CNTNAP2: variants seen among roughly 807,000 people sequenced by gnomAD.
The protein encoded by CNTNAP2 is contactin associated protein 2.
In CNTNAP2, 98 loss-of-function variants were observed where a neutral mutation model predicts 155.2. That is an observed-to-expected ratio of 0.63 (90% CI 0.54 to 0.75). The LOEUF is 0.75. Among genes scored for constraint, CNTNAP2 ranks in the 30% least tolerant of loss-of-function variants. The probability of loss-of-function intolerance (pLI) is 0.00; values close to 1 mark genes in which losing one functional copy is unlikely to be tolerated. For synonymous variants in CNTNAP2, 651 were observed against 631.2 expected (o/e 1.03, Z -0.47); for missense variants, 1,727 against 1,688.1 (o/e 1.02, Z -0.40).
chr7:146,595,620 T>C (rs1479352581), intron 1 of CNTNAP2, among the ~76,000 whole-genome samples: 1 of 151,998 alleles, frequency 6.6e-6, no homozygotes, highest in Non-Finnish European at 1.5e-5. Flanking sequence ...AGCTGCAAAA[T>C]TGCCTATATT....
rs1802428599 is a variant in CNTNAP2, at chr7:147,180,306, CAA to C, written c.1348+47802_1348+47803del. 2.6e-5 allele frequency among the ~76,000 whole-genome samples: 4 copies of C among 152,122 alleles called. No homozygotes were observed. The South Asian group carries it at 8.3e-4, about 32-fold the overall frequency. On this transcript the variant is annotated intron_variant, in intron 8 of 23. Coordinates refer to ENST00000361727, the MANE Select transcript of CNTNAP2 (RefSeq NM_014141.6). ...TCCAACCCTTTTTGGAGTGACTAAT[CAA>C]AAAAGCACATGACAGTATGCATATT...
chr7:147,348,092 A>G (rs1795907913), intron 9 of CNTNAP2, among the ~76,000 whole-genome samples: 2 of 152,136 alleles, frequency 1.3e-5, no homozygotes, highest in African/African-American at 4.8e-5. Context: ...CATAGCGGAA[A>G]TGCTTCAGGA....
intron 14 of CNTNAP2, among the ~76,000 whole-genome samples, chr7:147,975,387 T>G (rs12536279): frequency 0.12 from 17,628 of 151,230 alleles, 1,501 homozygotes; most frequent in African/African-American, 0.24. Flanking sequence ...TGTACAGGGG[T>G]GTGTGTGTGT....
intron 3 of CNTNAP2, among the ~76,000 whole-genome samples, chr7:146,888,975 T>C (rs1258014172): frequency 6.6e-6 from 1 of 152,054 alleles, no homozygotes; most frequent in Non-Finnish European, 1.5e-5. Context: ...ATTTCCTAAG[T>C]AGATAGTTCT....
At chr7:147,696,769 G>A (rs902996505) in intron 13 of CNTNAP2, among the ~76,000 whole-genome samples, 1 of 151,910 alleles carries the variant, frequency 6.6e-6, no homozygotes, top group African/African-American at 2.4e-5. Flanking sequence ...TAGTTTTGCA[G>A]AGTGCAGAAT....
chr7:147,886,475 C>CAAAAA (rs532837902), intron 13 of CNTNAP2, among the ~76,000 whole-genome samples: 3 of 39,732 alleles, frequency 7.6e-5, no homozygotes, highest in South Asian at 1.7e-3. Flanking sequence ...AACTCCATCT[C>CAAAAA]AAAAAAAAAA....
chr7:147,863,667 T>G (rs1471428399), intron 13 of CNTNAP2, among the ~76,000 whole-genome samples: 3 of 152,204 alleles, frequency 2.0e-5, no homozygotes, highest in Admixed American at 6.5e-5. Flanking sequence ...GATTTGCATT[T>G]CTCTGATGGT....
intron 1 of CNTNAP2, among the ~76,000 whole-genome samples, chr7:146,564,267 T>C (rs552766872): frequency 6.6e-6 from 1 of 152,260 alleles, no homozygotes; most frequent in East Asian, 1.9e-4. Context: ...CATTGCTTAG[T>C]GCATAAGAGT....
At chr7:147,850,531 G>T (rs1054415360) in intron 13 of CNTNAP2, among the ~76,000 whole-genome samples, 1 of 152,140 alleles carries the variant, frequency 6.6e-6, no homozygotes, top group Admixed American at 6.6e-5. Context: ...ACACTACAAG[G>T]CTACAGTAAC....
At chr7:148,218,357 T>C (rs1051812988) in intron 19 of CNTNAP2, among the ~76,000 whole-genome samples, 1 of 152,158 alleles carries the variant, frequency 6.6e-6, no homozygotes, top group East Asian at 1.9e-4. Flanking sequence ...ATTCACAAAG[T>C]GTATCCCTGT....
Position 147,833,927 on chromosome 7 carries a change from A to G in CNTNAP2, c.2099-69638A>G, listed in dbSNP as rs114354821. ...CTGGGGAGCGAGGGACTATGATGGCAACGCAGGTGAACAAGAGGGAGGGGA... is the reference window on the plus strand; with the variant it reads ...CTGGGGAGCGAGGGACTATGATGGCGACGCAGGTGAACAAGAGGGAGGGGA... On this transcript the variant is annotated intron_variant, in intron 13 of 23. Coordinates refer to ENST00000361727, the MANE Select transcript of CNTNAP2 (RefSeq NM_014141.6). 8.1e-3 allele frequency among the ~76,000 whole-genome samples: 1,240 copies of G among 152,286 alleles called. 18 individuals are homozygous for G. The highest frequency in any genetic ancestry group is 0.027 in the African/African-American group (1,141 of 41,566).
intron 14 of CNTNAP2, among the ~76,000 whole-genome samples, chr7:147,923,194 A>G (rs1328182804): frequency 6.6e-6 from 1 of 152,158 alleles, no homozygotes; most frequent in African/African-American, 2.4e-5. Context: ...CACAAAAGAT[A>G]TATTGTGAAC....
chr7:146,374,593 C>T (rs1795281159), intron 1 of CNTNAP2, among the ~76,000 whole-genome samples: 1 of 152,052 alleles, frequency 6.6e-6, no homozygotes, highest in Non-Finnish European at 1.5e-5. Context: ...TGAGTGGAAC[C>T]TTTTTAATTG....
intron 9 of CNTNAP2, among the ~76,000 whole-genome samples, chr7:147,324,067 G>T (rs1795405576): frequency 6.6e-6 from 1 of 152,036 alleles, no homozygotes; most frequent in African/African-American, 2.4e-5. Context: ...GATCATGAAG[G>T]TATAGTGTGT....
chr7:146,908,951 T>C (rs1181772817), intron 3 of CNTNAP2, among the ~76,000 whole-genome samples: 1 of 146,866 alleles, frequency 6.8e-6, no homozygotes, highest in Non-Finnish European at 1.5e-5. Context: ...ATAGACACAA[T>C]AAAAAATGAT....
chr7:147,773,407 C>A (rs999911123), intron 13 of CNTNAP2, among the ~76,000 whole-genome samples: 1 of 151,960 alleles, frequency 6.6e-6, no homozygotes, highest in Non-Finnish European at 1.5e-5. Flanking sequence ...GAGGCCAAGG[C>A]GGTCGATCAC....
intron 13 of CNTNAP2, among the ~76,000 whole-genome samples, chr7:147,859,082 C>G (rs1799093460): frequency 1.3e-5 from 2 of 152,092 alleles, no homozygotes; most frequent in Admixed American, 6.6e-5. Context: ...TTCTCAAGAA[C>G]TAGTCCTGGG....
intron 1 of CNTNAP2, among the ~76,000 whole-genome samples, chr7:146,473,787 A>C (rs1796834313): frequency 6.6e-6 from 1 of 152,208 alleles, no homozygotes. Flanking sequence ...TCAGTAATCC[A>C]CAATGGGATA....
At chr7:147,419,119 T>A (rs1423049236) in intron 10 of CNTNAP2, among the ~76,000 whole-genome samples, 1 of 152,150 alleles carries the variant, frequency 6.6e-6, no homozygotes, top group Non-Finnish European at 1.5e-5. Flanking sequence ...AGCCACCACA[T>A]GAAATATGAT....
Sources: allele counts gnomAD v4.1 joint callset (sites outside exome capture counted in the v4.1 genomes callset), GRCh38; gene constraint gnomAD v4.1.1; transcripts MANE v1.5; gene names NCBI Gene and HGNC (gene_info 2026-07-23, HGNC 2026-07-21).